WDPCP: variants seen among roughly 807,000 people sequenced by gnomAD.
WDPCP encodes WD repeat containing planar cell polarity effector, also known as WD repeat-containing and planar cell polarity effector protein fritz homolog.
A neutral mutation model predicts 93.1 loss-of-function variants in WDPCP; 71 were observed. The observed-to-expected ratio is 0.76, with a 90% CI of 0.63 to 0.93. The LOEUF (loss-of-function observed/expected upper bound fraction) is 0.93, where lower values mean the gene tolerates loss of function less well. WDPCP is among the 40% of genes least tolerant of loss of function. The pLI is 0.00. For synonymous variants in WDPCP, 315 were observed against 315.0 expected (o/e 1.00, Z 0.00); for missense variants, 844 against 887.4 (o/e 0.95, Z 0.62).
At chr2:63,378,979 T>G (rs1029230368) in intron 11 of WDPCP, among the ~76,000 whole-genome samples, 1 of 152,100 alleles carries the variant, frequency 6.6e-6, no homozygotes. Flanking sequence ...GAAATATATC[T>G]CTATTGCAAT....
At chr2:63,751,620 G>C (rs1575764471) in intron 2 of WDPCP, 10 of 473,284 alleles carry the variant, frequency 2.1e-5, no homozygotes, top group South Asian at 1.4e-4. Context: ...TCACAAATCT[G>C]TTGTAATCTG....
intron 7 of WDPCP, chr2:63,437,898 G>T: frequency 6.3e-7 from 1 of 1,593,638 alleles, no homozygotes; most frequent in Non-Finnish European, 8.6e-7. Flanking sequence ...TTTTATTTGT[G>T]CTAAGAGTTT....
chr2:63,313,461 T>A (rs1238745953), intron 12 of WDPCP, 150 bp from the exon 13 acceptor site: 1 of 781,670 alleles, frequency 1.3e-6, no homozygotes, highest in Non-Finnish European at 2.1e-6. Flanking sequence ...TACTAGGATC[T>A]TCCATATGTG....
At chr2:63,291,026 A>G (rs777978393) in intron 13 of WDPCP, among the ~76,000 whole-genome samples, 35 of 152,286 alleles carry the variant, frequency 2.3e-4, no homozygotes, top group African/African-American at 7.9e-4. Context: ...ATTTTGTTCC[A>G]TAAGTCACTG....
chr2:63,735,114 C>T (rs192295277), intron 2 of WDPCP, among the ~76,000 whole-genome samples: 1 of 152,276 alleles, frequency 6.6e-6, no homozygotes, highest in East Asian at 1.9e-4. Context: ...AATATTGCTT[C>T]TGACCTCATG....
chr2:63,795,219 G>A (rs1471788796), intron 2 of WDPCP, among the ~76,000 whole-genome samples: 1 of 152,190 alleles, frequency 6.6e-6, no homozygotes, highest in Non-Finnish European at 1.5e-5. Context: ...CAAAATTGTG[G>A]AGTTGGATGA....
intron 7 of WDPCP, chr2:63,437,965 T>C: frequency 6.7e-7 from 1 of 1,487,760 alleles, no homozygotes; most frequent in Non-Finnish European, 9.0e-7. Context: ...TATTAGGGGA[T>C]ACTGATCAGT....
intron 3 of WDPCP, among the ~76,000 whole-genome samples, chr2:63,637,790 G>A (rs1024310603): frequency 4.5e-4 from 69 of 152,120 alleles, no homozygotes; most frequent in African/African-American, 6.3e-4. Flanking sequence ...GATACCAAGC[G>A]TTGGCAAAAA....
intron 6 of WDPCP, among the ~76,000 whole-genome samples, chr2:63,459,516 A>G (rs938302951): frequency 6.6e-6 from 1 of 152,206 alleles, no homozygotes; most frequent in African/African-American, 2.4e-5. Context: ...TATTTAAAAG[A>G]CAAAAAATAA....
intron 12 of WDPCP, among the ~76,000 whole-genome samples, chr2:63,359,571 T>G (rs1690281805): frequency 6.6e-6 from 1 of 152,182 alleles, no homozygotes; most frequent in South Asian, 2.1e-4. Flanking sequence ...GACACAGACA[T>G]TCTGGAAAAC....
chr2:63,151,724 A>G (rs1189339768), intron 17 of WDPCP, among the ~76,000 whole-genome samples: 1 of 152,202 alleles, frequency 6.6e-6, no homozygotes, highest in African/African-American at 2.4e-5. Context: ...TATGTCCAGA[A>G]AGAAGTAGAT....
At chr2:63,520,616 G>C (rs1336213973) in intron 1 of WDPCP, among the ~76,000 whole-genome samples, 1 of 152,124 alleles carries the variant, frequency 6.6e-6, no homozygotes, top group Non-Finnish European at 1.5e-5. Flanking sequence ...TTTCATCCAG[G>C]CGTGATGGCT....
intron 14 of WDPCP, among the ~76,000 whole-genome samples, chr2:63,184,837 G>A (rs1378603388): frequency 6.6e-6 from 1 of 151,910 alleles, no homozygotes; most frequent in Non-Finnish European, 1.5e-5. Context: ...TTCCCCCTCA[G>A]GAACACCAAT....
chr2:63,188,369 T>C (rs570786875), intron 14 of WDPCP, among the ~76,000 whole-genome samples: 2 of 152,270 alleles, frequency 1.3e-5, no homozygotes, highest in South Asian at 4.1e-4. Flanking sequence ...TTTTTTCTTT[T>C]TTCTCCTCAG....
In WDPCP at chr2:63,391,229, G is replaced by A. The variant is rs1250398242; in HGVS notation, c.1436-9135C>T. Among the ~76,000 whole-genome samples, 9 of 152,198 alleles carry A rather than the reference G, an allele frequency of 5.9e-5. No individual in the cohort carries two copies. In the East Asian group the frequency reaches 1.7e-3, roughly 29 times the overall value. Reference sequence around the variant, plus strand: ...GGCTTCATCCCTGGGATGCAAGGCTGATTAAACATACGCAAATCAATAAAC... The same window carrying A: ...GGCTTCATCCCTGGGATGCAAGGCTAATTAAACATACGCAAATCAATAAAC... On this transcript the variant is annotated intron_variant, in intron 10 of 17. Transcript: ENST00000272321.
chr2:63,152,272 CTTTT>C (rs530922242), intron 17 of WDPCP, among the ~76,000 whole-genome samples: 1 of 140,146 alleles, frequency 7.1e-6, no homozygotes, highest in Non-Finnish European at 1.6e-5. Flanking sequence ...CCTGGCTACT[CTTTT>C]TTTTTTTTTT....
chr2:63,610,011 T>C (rs1297870167), intron 3 of WDPCP, among the ~76,000 whole-genome samples: 1 of 152,248 alleles, frequency 6.6e-6, no homozygotes. Flanking sequence ...ATATTCACAC[T>C]GTGAAACTGA....
chr2:63,752,551 C>A (rs1669899782), intron 2 of WDPCP: 11 of 673,578 alleles, frequency 1.6e-5, no homozygotes, highest in South Asian at 1.6e-4. Flanking sequence ...GGCTCCTCAG[C>A]CTCTCATCAG....
chr2:63,273,916 T>C (rs1365206046), intron 13 of WDPCP, among the ~76,000 whole-genome samples: 1 of 152,076 alleles, frequency 6.6e-6, no homozygotes, highest in African/African-American at 2.4e-5. Context: ...CTTCAACACT[T>C]TTCATTCTCA....
Sources: allele counts gnomAD v4.1 joint callset (sites outside exome capture counted in the v4.1 genomes callset), GRCh38; gene constraint gnomAD v4.1.1; transcripts MANE v1.5; gene names NCBI Gene and HGNC (gene_info 2026-07-23, HGNC 2026-07-21).